Variants in CAST observed in about 807,000 individuals in gnomAD.
The protein encoded by CAST is MIR583 host.
Under a neutral mutation model 119.6 loss-of-function variants are expected in CAST, and 76 were observed. The ratio of observed to expected loss-of-function variants is 0.64; its 90% confidence interval spans 0.53 to 0.77. The LOEUF (loss-of-function observed/expected upper bound fraction) is 0.77, where lower values mean the gene tolerates loss of function less well. Ranked by LOEUF, CAST falls within the 30% of genes least tolerant of loss-of-function variation. The pLI, the probability that CAST is intolerant of heterozygous loss-of-function variation, is 0.00. For synonymous variants in CAST, 319 were observed against 331.6 expected, an observed-to-expected ratio of 0.96 and a Z score of 0.41; for missense variants, 953 against 946.5, an observed-to-expected ratio of 1.01 and a Z score of -0.09.
the CAST span, among the ~76,000 whole-genome samples, chr5:96,487,920 C>T: frequency 6.6e-6 from 1 of 152,178 alleles, no homozygotes; most frequent in African/African-American, 2.4e-5. Flanking sequence ...AAAATGCAGA[C>T]ATTTTTATGT....
At chr5:96,748,057 C>T (rs573052079) in intron 18 of CAST, among the ~76,000 whole-genome samples, 44 of 152,150 alleles carry the variant, frequency 2.9e-4, no homozygotes, top group Non-Finnish European at 4.7e-4. Flanking sequence ...TAAACTAATA[C>T]CACTCTCCTG....
At chr5:96,707,392 C>CT (rs113091379) in intron 3 of CAST, among the ~76,000 whole-genome samples, 17,380 of 145,330 alleles carry the variant, frequency 0.12, 1,091 homozygotes, top group Middle Eastern at 0.18. Context: ...TTTAGTTAAC[C>CT]TTTTTTTTTT....
At chr5:96,003,891 A>G in the CAST span, among the ~76,000 whole-genome samples, 1 of 152,320 alleles carries the variant, frequency 6.6e-6, no homozygotes, top group Admixed American at 6.5e-5. Context: ...CAAAACACAT[A>G]TGAAGGAGAG....
At chr5:96,274,087 G>A in the CAST span, among the ~76,000 whole-genome samples, 1 of 151,426 alleles carries the variant, frequency 6.6e-6, no homozygotes, top group Non-Finnish European at 1.5e-5. Context: ...GAAGAAATGA[G>A]TTAGAGCCCC....
the CAST span, among the ~76,000 whole-genome samples, chr5:96,450,016 G>T: frequency 6.6e-6 from 1 of 152,098 alleles, no homozygotes; most frequent in Non-Finnish European, 1.5e-5. Context: ...ATTTCTCAAA[G>T]AACTAAAAAT....
At chr5:96,302,976 C>T in the CAST span, among the ~76,000 whole-genome samples, 4 of 152,166 alleles carry the variant, frequency 2.6e-5, no homozygotes, top group African/African-American at 9.7e-5. Flanking sequence ...TCTCCAGTAC[C>T]AATTTTCTGT....
At chr5:96,555,680 G>T (rs1048552872) in intron 1 of CAST, among the ~76,000 whole-genome samples, 2 of 152,196 alleles carry the variant, frequency 1.3e-5, no homozygotes, top group African/African-American at 4.8e-5. Context: ...GCTGACGGAG[G>T]GGTGCCCGCC....
chr5:96,105,924 A>G, the CAST span, among the ~76,000 whole-genome samples: 4,815 of 152,122 alleles, frequency 0.032, 206 homozygotes, highest in African/African-American at 0.1. Context: ...CCTGTTATTG[A>G]TCTATTCAGA....
chr5:96,733,277 G>T (rs1760952862), intron 9 of CAST, among the ~76,000 whole-genome samples: 1 of 152,158 alleles, frequency 6.6e-6, no homozygotes, highest in Non-Finnish European at 1.5e-5. Flanking sequence ...ATGCTTACAT[G>T]AAATGGTTTG....
chr5:96,505,320 G>A, the CAST span, among the ~76,000 whole-genome samples: 29 of 152,088 alleles, frequency 1.9e-4, no homozygotes, highest in Non-Finnish European at 3.7e-4. Flanking sequence ...AGCAATAAAA[G>A]TAGTAGAACT....
At chr5:96,424,798 A>G in the CAST span, among the ~76,000 whole-genome samples, 2 of 152,018 alleles carry the variant, frequency 1.3e-5, no homozygotes, top group Non-Finnish European at 1.5e-5. Flanking sequence ...CCCCATCTCT[A>G]TTAAAAATAC....
At chr5:96,621,860 T>C (rs1204526786) in intron 1 of CAST, among the ~76,000 whole-genome samples, 1 of 152,066 alleles carries the variant, frequency 6.6e-6, no homozygotes, top group Non-Finnish European at 1.5e-5. Flanking sequence ...CTGCTGAAGC[T>C]GCAATCATGG....
the CAST span, among the ~76,000 whole-genome samples, chr5:96,417,478 T>C: frequency 6.6e-6 from 1 of 151,974 alleles, no homozygotes; most frequent in South Asian, 2.1e-4. Flanking sequence ...CAAGGACTGA[T>C]GTAGATTATA....
chr5:96,484,494 G>T, the CAST span, among the ~76,000 whole-genome samples: 1 of 152,084 alleles, frequency 6.6e-6, no homozygotes, highest in Non-Finnish European at 1.5e-5. Flanking sequence ...GACACCAGAT[G>T]GGTTAGTCAA....
chr5:96,549,828 C>A (rs957227519), intron 1 of CAST, among the ~76,000 whole-genome samples: 2 of 152,220 alleles, frequency 1.3e-5, no homozygotes, highest in Non-Finnish European at 2.9e-5. Flanking sequence ...GACGTGGGAG[C>A]TTGGGAGGGA....
At chr5:96,219,130 G>A in the CAST span, among the ~76,000 whole-genome samples, 17 of 152,206 alleles carry the variant, frequency 1.1e-4, no homozygotes, top group South Asian at 3.5e-3. Flanking sequence ...TGATTTCATG[G>A]CCCATGTGGT....
At chr5:96,507,617 A>C in the CAST span, among the ~76,000 whole-genome samples, 1 of 152,170 alleles carries the variant, frequency 6.6e-6, no homozygotes. Flanking sequence ...TTCTGACTTT[A>C]GGGAGAAAGG....
At chr5:96,366,519 G>T in the CAST span, among the ~76,000 whole-genome samples, 2 of 152,174 alleles carry the variant, frequency 1.3e-5, no homozygotes, top group Non-Finnish European at 2.9e-5. Context: ...TGGAGGCTTT[G>T]TTCCTTTCTT....
At chr5:96,026,683 A>C in the CAST span, among the ~76,000 whole-genome samples, 1 of 152,250 alleles carries the variant, frequency 6.6e-6, no homozygotes, top group Non-Finnish European at 1.5e-5. Flanking sequence ...AGGTAAAAGA[A>C]AAGATAAATT....
Sources: allele counts gnomAD v4.1 joint callset (sites outside exome capture counted in the v4.1 genomes callset), GRCh38; gene constraint gnomAD v4.1.1; transcripts MANE v1.5; gene names NCBI Gene and HGNC (gene_info 2026-07-23, HGNC 2026-07-21).